Variants in USP6NL observed in about 807,000 individuals in gnomAD.
USP6NL encodes the protein USP6 N-terminal like.
Under a neutral mutation model 61.9 loss-of-function variants are expected in USP6NL, and 26 were observed. The observed-to-expected ratio is 0.42, with a 90% CI of 0.31 to 0.58. The LOEUF (loss-of-function observed/expected upper bound fraction) is 0.58. Ranked by LOEUF, USP6NL falls within the 20% of genes least tolerant of loss-of-function variation. The pLI is 0.16. For synonymous variants in USP6NL, 432 were observed against 390.1 expected, an observed-to-expected ratio of 1.11 and a Z score of -1.27; for missense variants, 1,114 against 1,034.3, an observed-to-expected ratio of 1.08 and a Z score of -1.06.
chr10:11,537,180 A>G lies in USP6NL; in HGVS notation c.5-9613T>C, dbSNP rs1020763624. On this transcript the variant is annotated intron_variant, in intron 2 of 14. Coordinates refer to ENST00000609104, the MANE Select transcript of USP6NL (RefSeq NM_014688.5). This position sits in a 1 kb window ranked among gnomAD's most constrained non-coding sequence, Gnocchi z 5.1. ...GACTGGAGTGCAGTGGCACGATCAC[A>G]GTTCACTGCAGCGTCAATCTCCCAG... Among the ~76,000 whole-genome samples, 10 of 151,836 alleles carry G rather than the reference A, an allele frequency of 6.6e-5. No individual in the cohort carries two copies. The highest frequency in any genetic ancestry group is 2.4e-4 in the African/African-American group (10 of 41,346).
In USP6NL at chr10:11,465,396, CA is replaced by C. The variant is rs963431680; in HGVS notation, c.1079-1548del. The stretch of plus-strand genomic sequence containing the variant: ...ATGCATGCCTGAAGATGCACTGTCA[CA>C]GGGGCAAAACTGGATTCGCTGCAGA... On this transcript the variant is annotated intron_variant, in intron 14 of 14. Coordinates refer to ENST00000609104, the MANE Select transcript of USP6NL (RefSeq NM_014688.5). This position sits in a 1 kb window ranked among gnomAD's most constrained non-coding sequence, Gnocchi z 4.5. Among the ~76,000 whole-genome samples, 5 of 152,270 alleles carry C rather than the reference CA, an allele frequency of 3.3e-5. No individual in the cohort carries two copies. Among genetic ancestry groups the C allele is most frequent in the Admixed American group, 6.5e-5 (1 of 15,294 alleles).
chr10:11,480,071 A>T (rs1004856052), intron 14 of USP6NL, among the ~76,000 whole-genome samples: 2 of 152,220 alleles, frequency 1.3e-5, no homozygotes, highest in Admixed American at 6.5e-5. Context: ...TGATCAGAGC[A>T]TGATTCTGCT....
At position 11,562,737 on chromosome 10, in the gene USP6NL, A is replaced by G. The variant is rs1184103664; in HGVS notation, c.4+34894T>C. ...AATTTTCACTTGTTTCTTGATCTAA[A>G]AACGTGGAATTCCACACAGTACAAT... is the stretch of plus-strand genomic sequence containing the variant. On this transcript the variant is annotated intron_variant, in intron 2 of 14. Transcript: ENST00000609104. The surrounding 1 kb of genome is among the most constrained non-coding windows in gnomAD (Gnocchi z 4.8). 2.0e-6 allele frequency: 2 copies of G among 985,348 alleles called. No homozygotes were observed. Among genetic ancestry groups the G allele is most frequent in the South Asian group, 4.7e-5 (1 of 21,296 alleles). The allele number at this position is 985,348 out of a possible 1,614,324, so 61.0% of individuals were successfully genotyped here.
At chr10:11,582,945 G>C (rs1837834261) in intron 2 of USP6NL, among the ~76,000 whole-genome samples, 1 of 148,816 alleles carries the variant, frequency 6.7e-6, no homozygotes, top group African/African-American at 2.5e-5. Context: ...TAGTATGTAA[G>C]AGGTACCATG....
chr10:11,583,489 C>T (rs1320376705), intron 2 of USP6NL, among the ~76,000 whole-genome samples: 3 of 152,168 alleles, frequency 2.0e-5, no homozygotes, highest in Non-Finnish European at 4.4e-5. Flanking sequence ...CCGCGCCCGG[C>T]TACTACATTT....
rs544057278 is a variant in USP6NL, at chr10:11,519,242, G to A, written c.156-668C>T. Among the ~76,000 whole-genome samples the A allele has an allele frequency of 3.4e-3, 522 of 152,244 alleles. 3 individuals carry two copies. Among genetic ancestry groups the A allele is most frequent in the Non-Finnish European group, 6.5e-3 (439 of 68,028 alleles). ...ACCTCCACTCTTGGTTCAAACTATG[G>A]TCTATAATCAATGATTGTTTAAAAA... On this transcript the variant is annotated intron_variant, in intron 4 of 14. Coordinates refer to ENST00000609104, the MANE Select transcript of USP6NL (RefSeq NM_014688.5).
At chr10:11,541,176 G>A (rs2133452285) in intron 2 of USP6NL, among the ~76,000 whole-genome samples, 1 of 136,722 alleles carries the variant, frequency 7.3e-6, no homozygotes, top group East Asian at 2.2e-4. Flanking sequence ...TGTTGTGTTA[G>A]GATAACTTAT....
chr10:11,472,264 A>T (rs934862965), intron 14 of USP6NL, among the ~76,000 whole-genome samples: 25 of 152,242 alleles, frequency 1.6e-4, no homozygotes, highest in Admixed American at 2.6e-4. Flanking sequence ...GTCCCTAAAA[A>T]GCAAGGAAGA....
chr10:11,467,871 A>C (rs1832540432), intron 14 of USP6NL, among the ~76,000 whole-genome samples: 1 of 152,246 alleles, frequency 6.6e-6, no homozygotes, highest in East Asian at 1.9e-4. Flanking sequence ...TATGAAGTTT[A>C]AAAGCACAGA....
intron 1 of USP6NL, among the ~76,000 whole-genome samples, chr10:11,601,734 C>T (rs1218343192): frequency 1.3e-5 from 2 of 152,162 alleles, no homozygotes; most frequent in Non-Finnish European, 2.9e-5. Context: ...AAGACAAACA[C>T]AAGTGATAGC....
intron 2 of USP6NL, among the ~76,000 whole-genome samples, chr10:11,571,313 C>T (rs971303447): frequency 6.6e-6 from 1 of 151,882 alleles, no homozygotes; most frequent in Admixed American, 6.6e-5. Flanking sequence ...CTCGAAATCC[C>T]GACCTCAGGT....
In USP6NL at chr10:11,481,432, A is replaced by C. The variant is rs2133220703; in HGVS notation, c.1078+338T>G. Among the ~76,000 whole-genome samples, 1 of 152,326 alleles carries C rather than the reference A, an allele frequency of 6.6e-6. No individual in the cohort carries two copies. Among genetic ancestry groups the C allele is most frequent in the Admixed American group, 6.5e-5 (1 of 15,300 alleles). ...ACTTACTATTGTATACGGTTTCACA[A>C]AATGAGATGAAGAAAGCAAAAAAAA... On this transcript the variant is annotated intron_variant, in intron 14 of 14. Transcript: ENST00000609104. The surrounding 1 kb of genome is among the most constrained non-coding windows in gnomAD (Gnocchi z 4.4).
rs1449138858 is a variant in USP6NL at position 11,553,814 on chromosome 10, T to C, written c.5-26247A>G. 6.6e-6 allele frequency among the ~76,000 whole-genome samples: 1 copy of C among 151,270 alleles called. No homozygotes were observed. On this transcript the variant is annotated intron_variant, in intron 2 of 14. Transcript: ENST00000609104. The surrounding 1 kb of genome is among the most constrained non-coding windows in gnomAD (Gnocchi z 4.8). Reference sequence around the variant, plus strand: ...GCGAGGCTCAGGCAAGAGAACTGCTTGAACCCGGGAGGCAGAGGATGCAGT... The same window carrying C: ...GCGAGGCTCAGGCAAGAGAACTGCTCGAACCCGGGAGGCAGAGGATGCAGT...
intron 2 of USP6NL, among the ~76,000 whole-genome samples, chr10:11,571,880 ACTGT>A (rs887449016): frequency 2.9e-4 from 44 of 151,124 alleles, no homozygotes; most frequent in African/African-American, 9.4e-4. Flanking sequence ...AAAAAAAAAA[ACTGT>A]CTGAAAAATT....
At position 11,483,512 on chromosome 10, in the gene USP6NL, GAGGGA is replaced by G. The variant is rs1177975816; in HGVS notation, c.925+1454_925+1458del. Among the ~76,000 whole-genome samples the G allele has an allele frequency of 5.5e-3, 537 of 97,844 alleles. 3 individuals carry two copies. The highest frequency in any genetic ancestry group is 0.016 in the African/African-American group (368 of 22,402). The allele number at this position is 97,844 out of a possible 152,430, so 64.2% of individuals were successfully genotyped here. A position where few individuals can be genotyped will look rare whatever the true frequency, so the allele number is the denominator to read the frequency against. ...GGGGGAGGGGAGGGAGAGAGGGAGA[GAGGGA>G]GAGGAGAAGAGAGAGAGGGAGAGAG... On this transcript the variant is annotated intron_variant, in intron 13 of 14. Coordinates refer to ENST00000609104, the MANE Select transcript of USP6NL (RefSeq NM_014688.5).
chr10:11,583,461 G>T (rs533220055), intron 2 of USP6NL, among the ~76,000 whole-genome samples: 1 of 152,084 alleles, frequency 6.6e-6, no homozygotes, highest in East Asian at 1.9e-4. Context: ...AAAGTGCTGG[G>T]ATTACAGGCG....
rs145277909 is a variant in USP6NL, at chr10:11,548,249, T to G, written c.5-20682A>C. 6.6e-6 allele frequency among the ~76,000 whole-genome samples: 1 copy of G among 152,208 alleles called. No homozygotes were observed. The highest frequency in any genetic ancestry group is 2.4e-5 in the African/African-American group (1 of 41,452). On this transcript the variant is annotated intron_variant, in intron 2 of 14. Coordinates refer to ENST00000609104, the MANE Select transcript of USP6NL (RefSeq NM_014688.5). The surrounding 1 kb of genome is among the most constrained non-coding windows in gnomAD (Gnocchi z 4.3). ...ACATTTACTAAAGTCCCCTTTGAAA[T>G]TTGATGCCCCAAATTCAACATGATA...
intron 2 of USP6NL, among the ~76,000 whole-genome samples, chr10:11,579,872 T>C (rs1026945669): frequency 6.7e-6 from 1 of 149,132 alleles, no homozygotes; most frequent in Non-Finnish European, 1.5e-5. Flanking sequence ...AACTCTATTG[T>C]ACAATACACA....
At chr10:11,506,229 A>T (rs1834426174) in intron 6 of USP6NL, among the ~76,000 whole-genome samples, 1 of 152,238 alleles carries the variant, frequency 6.6e-6, no homozygotes, top group Non-Finnish European at 1.5e-5. Flanking sequence ...CCAACAAAAA[A>T]ATATGTGTAT....
Sources: gnomAD v4.1 joint callset for allele counts (sites outside exome capture counted in the v4.1 genomes callset) on GRCh38, gnomAD v4.1.1 for gene constraint, Gnocchi (gnomAD v3.1) non-coding constraint, MANE v1.5 for transcripts, NCBI Gene and HGNC (gene_info 2026-07-23, HGNC 2026-07-21) for gene names.